Variants in AGBL1 observed in about 807,000 individuals in gnomAD.
The protein encoded by AGBL1 is cytosolic carboxypeptidase 4.
Under a neutral mutation model 118.9 loss-of-function variants are expected in AGBL1, and 130 were observed. The ratio of observed to expected loss-of-function variants is 1.09; its 90% CI spans 0.95 to 1.26. AGBL1 has a LOEUF of 1.26. Among genes scored for constraint, AGBL1 ranks in the 50% most tolerant of loss-of-function variants. AGBL1 has a pLI of 0.00. For missense variants in AGBL1, 1,584 were observed against 1,298.1 expected (o/e 1.22, Z -3.38); for synonymous variants, 555 against 478.9 (o/e 1.16, Z -2.08).
chr15:86,452,276 T>C (rs1004302569), intron 18 of AGBL1, among the ~76,000 whole-genome samples: 3 of 152,316 alleles, frequency 2.0e-5, no homozygotes, highest in African/African-American at 7.2e-5. Context: ...GTATGTGGTA[T>C]TCCCTTTCTT....
chr15:86,123,710 T>A (rs1391694960), intron 1 of AGBL1, among the ~76,000 whole-genome samples: 1 of 152,214 alleles, frequency 6.6e-6, no homozygotes, highest in Non-Finnish European at 1.5e-5. Context: ...ATATCTTACA[T>A]GTATTGATTG....
intron 18 of AGBL1, among the ~76,000 whole-genome samples, chr15:86,420,533 T>C (rs1367383388): frequency 6.6e-6 from 1 of 151,916 alleles, no homozygotes. Flanking sequence ...ATGCTGAAAA[T>C]TCCAAAAACC....
At chr15:86,573,997 T>C (rs2084046362) in intron 21 of AGBL1, among the ~76,000 whole-genome samples, 1 of 152,168 alleles carries the variant, frequency 6.6e-6, no homozygotes, top group Non-Finnish European at 1.5e-5. Context: ...AAACTTTATT[T>C]TCTCAGATAA....
At chr15:86,575,779 T>C (rs899581570) in intron 21 of AGBL1, among the ~76,000 whole-genome samples, 4 of 151,930 alleles carry the variant, frequency 2.6e-5, no homozygotes, top group Non-Finnish European at 4.4e-5. Context: ...AAAATTTCTA[T>C]AGAGACAGGG....
intron 22 of AGBL1, among the ~76,000 whole-genome samples, chr15:86,798,286 C>G (rs1202880009): frequency 6.6e-6 from 1 of 152,146 alleles, no homozygotes; most frequent in African/African-American, 2.4e-5. Flanking sequence ...ACTAAGGAGT[C>G]TGGGAAATTT....
chr15:86,425,784 G>A (rs1486965653), intron 18 of AGBL1, among the ~76,000 whole-genome samples: 2 of 152,132 alleles, frequency 1.3e-5, no homozygotes, highest in Non-Finnish European at 2.9e-5. Flanking sequence ...AAGAGGGAGA[G>A]GTGGGCTCTG....
At chr15:86,421,259 A>G (rs1213053341) in intron 18 of AGBL1, among the ~76,000 whole-genome samples, 2 of 152,328 alleles carry the variant, frequency 1.3e-5, no homozygotes, top group East Asian at 1.9e-4. Context: ...ATAACAGCAT[A>G]TCTCTCTATG....
intron 22 of AGBL1, among the ~76,000 whole-genome samples, chr15:86,784,700 T>C (rs971549287): frequency 6.6e-6 from 1 of 152,204 alleles, no homozygotes; most frequent in Non-Finnish European, 1.5e-5. Context: ...TGGCTTCTAC[T>C]GCGTTATAAA....
chr15:86,918,843 T>C (rs1215116605), downstream of AGBL1, among the ~76,000 whole-genome samples: 2 of 152,204 alleles, frequency 1.3e-5, no homozygotes, highest in East Asian at 1.9e-4. Context: ...GTAAACATCA[T>C]AGAGAAATAT....
intron 24 of AGBL1, among the ~76,000 whole-genome samples, chr15:86,988,715 C>A (rs1200486766): frequency 6.6e-6 from 1 of 152,060 alleles, no homozygotes; most frequent in Non-Finnish European, 1.5e-5. Context: ...CTGTATATTG[C>A]TAGTGTGTAA....
intron 21 of AGBL1, among the ~76,000 whole-genome samples, chr15:86,660,959 C>T (rs986947614): frequency 6.6e-6 from 1 of 152,042 alleles, no homozygotes; most frequent in African/African-American, 2.4e-5. Flanking sequence ...ACTTGAATGC[C>T]TACAGGAGCC....
intron 23 of AGBL1, among the ~76,000 whole-genome samples, chr15:86,970,821 A>G (rs940440270): frequency 6.6e-6 from 1 of 152,000 alleles, no homozygotes; most frequent in Admixed American, 6.6e-5. Flanking sequence ...CTCCATATCT[A>G]TGGGTCCTCC....
intron 18 of AGBL1, among the ~76,000 whole-genome samples, chr15:86,407,294 A>T (rs1373731050): frequency 1.3e-5 from 2 of 152,214 alleles, no homozygotes; most frequent in African/African-American, 4.8e-5. Flanking sequence ...CCCGTGTCTA[A>T]TAAGTTTCAG....
chr15:86,517,310 C>G (rs1038759961), intron 18 of AGBL1, among the ~76,000 whole-genome samples: 1 of 152,208 alleles, frequency 6.6e-6, no homozygotes, highest in African/African-American at 2.4e-5. Context: ...TGTGCATACA[C>G]AGTCCATTAG....
chr15:86,295,540 C>T (rs1046889779), intron 17 of AGBL1, 132 bp downstream of exon 17: 2 of 871,140 alleles, frequency 2.3e-6, no homozygotes, highest in Non-Finnish European at 3.3e-6. Context: ...TAGAAATACA[C>T]CCCCAGCTTT....
rs2080416275 is a variant in AGBL1, at chr15:86,915,898, C to G, written c.*8604C>G. On this transcript the variant is annotated 3_prime_UTR_variant, in exon 23 of 23. Coordinates refer to ENST00000614907, the MANE Select transcript of AGBL1 (RefSeq NM_001386094.1). ...AGGACACACGTGAGTCCAGCCAACT[C>G]AGAGCTTCAAGGAGGCGTCCAGGAG... The G allele has an allele frequency of 6.6e-6, 1 of 152,220 alleles. No homozygotes were observed. The highest frequency in any genetic ancestry group is 6.5e-5 in the Admixed American group (1 of 15,290). The allele number at this position is 152,220 out of a possible 1,614,324, so 9.4% of individuals were successfully genotyped here. A position where few individuals can be genotyped will look rare whatever the true frequency, so the allele number is the denominator to read the frequency against.
intron 5 of AGBL1, among the ~76,000 whole-genome samples, chr15:86,172,413 A>C (rs1705368838): frequency 6.6e-6 from 1 of 152,160 alleles, no homozygotes; most frequent in African/African-American, 2.4e-5. Context: ...TATCGTTGTT[A>C]CCTATCATCA....
At chr15:86,724,687 A>G (rs372834776) in intron 22 of AGBL1, among the ~76,000 whole-genome samples, 4 of 152,074 alleles carry the variant, frequency 2.6e-5, no homozygotes, top group Non-Finnish European at 5.9e-5. Flanking sequence ...AATGTTGGAG[A>G]TGGGGCCTGG....
intron 5 of AGBL1, among the ~76,000 whole-genome samples, chr15:86,208,744 A>G (rs952257920): frequency 1.3e-5 from 2 of 151,842 alleles, no homozygotes; most frequent in African/African-American, 4.8e-5. Context: ...TAGTCTATCA[A>G]TTATGTTGAT....
Sources: gnomAD v4.1 joint callset for allele counts (sites outside exome capture counted in the v4.1 genomes callset) on GRCh38, gnomAD v4.1.1 for gene constraint, MANE v1.5 for transcripts, NCBI Gene and HGNC (gene_info 2026-07-23, HGNC 2026-07-21) for gene names.